Variants in PRAMEF14 observed in about 807,000 individuals in gnomAD.
PRAMEF14 encodes the protein PRAME family member 14.
Under a neutral mutation model 38.3 loss-of-function variants are expected in PRAMEF14, and 24 were observed. The ratio of observed to expected loss-of-function variants is 0.63; its 90% CI spans 0.45 to 0.88. The LOEUF is 0.88. Among genes scored for constraint, PRAMEF14 ranks in the 40% least tolerant of loss-of-function variants. The pLI, the probability that PRAMEF14 is intolerant of heterozygous loss-of-function variation, is 0.00. For missense variants in PRAMEF14, 477 were observed against 570.8 expected (o/e 0.84, Z 1.67); for synonymous variants, 194 against 226.4 (o/e 0.86, Z 1.29).
chr1:13,343,721 T>C (rs1380012031), intron 3 of PRAMEF14: 2 of 1,342,200 alleles, frequency 1.5e-6, no homozygotes, highest in South Asian at 2.8e-5. Flanking sequence ...TTTGACATCA[T>C]ATCAACTTGA....
chr1:13,342,599 T>A lies in PRAMEF14; in HGVS notation c.1354A>T (p.Ile452Phe). ...CAGGAAGGGCAGGGGGTGGGACCAA[T>A]GAAGATCCTCTTGGGCTGCCTGACT... ...REVRQPKRIFIGPTPCPSCGS... is the reference protein window; with the variant it reads ...REVRQPKRIFFGPTPCPSCGS... Residue 452 changes from isoleucine to phenylalanine, a missense_variant, in exon 4 of 4, where the codon ATT (isoleucine) becomes TTT (phenylalanine). Coordinates refer to ENST00000334600, the MANE Select transcript of PRAMEF14 (RefSeq NM_001024661.2). The A allele has an allele frequency of 6.2e-7, 1 of 1,604,390 alleles. No individual in the cohort carries two copies. Among genetic ancestry groups the A allele is most frequent in the Non-Finnish European group, 8.5e-7 (1 of 1,177,536 alleles).
In PRAMEF14 at chr1:13,344,587, C is replaced by A. The variant is rs1157469639; in HGVS notation, c.317G>T (p.Arg106Leu). 1 of 1,604,138 alleles carries A rather than the reference C, an allele frequency of 6.2e-7. No homozygotes were observed. The highest frequency in any genetic ancestry group is 1.3e-5 in the African/African-American group (1 of 74,774). ...RRWKLQVLDL[R>L]DVDENFWARW... Reference sequence around the variant, plus strand: ...GGCCCAGAAATTCTCATCAACATCCCGCAAATCCAGCACTTGAAGTTTCCA... The same window carrying A: ...GGCCCAGAAATTCTCATCAACATCCAGCAAATCCAGCACTTGAAGTTTCCA... The change falls in exon 3 of 4, where the codon CGG (arginine) becomes CTG (leucine). Residue 106 changes from arginine to leucine, a missense_variant. Around this residue, in one of 4 missense-constraint regions of PRAMEF14, gnomAD observed 234 missense variants for 247.4 expected, o/e 0.95. Coordinates refer to ENST00000334600, the MANE Select transcript of PRAMEF14 (RefSeq NM_001024661.2).
At chr1:13,345,480 C>T (rs1971435) in intron 1 of PRAMEF14, 141 bp from the exon 2 acceptor site, 2 of 1,303,958 alleles carry the variant, frequency 1.5e-6, no homozygotes, top group South Asian at 2.9e-5. Flanking sequence ...TTTCATCCTT[C>T]ATTCCACTGA....
chr1:13,342,729 G>T lies in PRAMEF14; in HGVS notation c.1224C>A (p.Ser408Arg), dbSNP rs1379101998. 6.2e-7 allele frequency: 1 copy of T among 1,604,828 alleles called. No homozygotes were observed. Among genetic ancestry groups the T allele is most frequent in the Non-Finnish European group, 8.5e-7 (1 of 1,177,832 alleles). ...CCTCAGGGGCAGGATACGTCTCCAG[G>T]CTTAACTTGCTCAGCCCACTGGTGT... Reference protein sequence around the residue: ...LCHTSGLSKLSLETYPAPEES... With the variant: ...LCHTSGLSKLRLETYPAPEES... Residue 408 changes from serine (S) to arginine (R), a missense_variant, in exon 4 of 4, where the codon AGC becomes AGA. Ser to Arg is a moderately radical substitution (Grantham distance 110). Coordinates refer to ENST00000334600, the MANE Select transcript of PRAMEF14 (RefSeq NM_001024661.2).
At position 13,343,449 on chromosome 1, in the gene PRAMEF14, C is replaced by A. The variant is rs1474892092; in HGVS notation, c.867-363G>T. On this transcript the variant is annotated intron_variant, in intron 3 of 3. Coordinates refer to ENST00000334600, the MANE Select transcript of PRAMEF14 (RefSeq NM_001024661.2). Reference sequence around the variant, plus strand: ...AGGGACATCAGCTAGGGCTACATGTCGGCAGGGGCTCCCTGACATGCCTGC... The same window carrying A: ...AGGGACATCAGCTAGGGCTACATGTAGGCAGGGGCTCCCTGACATGCCTGC... 659 of 562,732 alleles carry A rather than the reference C, an allele frequency of 1.2e-3. 3 individuals carry two copies. The highest frequency in any genetic ancestry group is 0.011 in the African/African-American group (577 of 53,002). 34.9% of individuals were successfully genotyped at this position (562,732 alleles called of 1,614,324 possible). A position where few individuals can be genotyped will look rare whatever the true frequency, so the allele number is the denominator to read the frequency against.
chr1:13,344,075 T>A lies in PRAMEF14; in HGVS notation c.829A>T (p.Ile277Phe), dbSNP rs1640367644. Residue 277 changes from isoleucine (I) to phenylalanine (F), a missense_variant, in exon 3 of 4, where the codon ATC becomes TTC. Around this residue, in one of 4 missense-constraint regions of PRAMEF14, gnomAD observed 234 missense variants for 247.4 expected, o/e 0.95. Coordinates refer to ENST00000334600, the MANE Select transcript of PRAMEF14 (RefSeq NM_001024661.2). ...TCCAGGTGCCCACTGAAGAAGGTGA[T>A]CAATTTTATTTTAAGCAACTGGAGG... ...EHLQLLKIKL[I>F]TFFSGHLEQL... is the part of the protein sequence containing the mutation. The A allele has an allele frequency of 6.2e-7, 1 of 1,608,704 alleles. No individual in the cohort carries two copies. The highest frequency in any genetic ancestry group is 8.5e-7 in the Non-Finnish European group (1 of 1,178,656).
intron 1 of PRAMEF14, among the ~76,000 whole-genome samples, chr1:13,345,586 T>G (rs1419098044): frequency 2.0e-5 from 3 of 150,848 alleles, no homozygotes; most frequent in Admixed American, 6.6e-5. Context: ...CCTAAAGCAA[T>G]GAGAATGAGA....
At position 13,346,850 on chromosome 1, in the gene PRAMEF14, G is replaced by C. The variant is rs1359493274; in HGVS notation, c.-26+207C>G. 8.6e-5 allele frequency among the ~76,000 whole-genome samples: 13 copies of C among 150,446 alleles called. 1 individual carries two copies. Among genetic ancestry groups the C allele is most frequent in the Non-Finnish European group, 1.5e-4 (10 of 67,608 alleles). ...ATTTTTAAAAAACCTGCTTCGATAAGAATTTTAAAATGACAAAAACTAAGC... is the reference window on the plus strand; with the variant it reads ...ATTTTTAAAAAACCTGCTTCGATAACAATTTTAAAATGACAAAAACTAAGC... On this transcript the variant is annotated intron_variant, in intron 1 of 3. Coordinates refer to ENST00000334600, the MANE Select transcript of PRAMEF14 (RefSeq NM_001024661.2).
At chr1:13,346,880 A>C (rs2100355782) in intron 1 of PRAMEF14, among the ~76,000 whole-genome samples, 177 bp downstream of exon 1, 1 of 150,508 alleles carries the variant, frequency 6.6e-6, no homozygotes, top group Admixed American at 6.6e-5. Context: ...CTAAGCACAA[A>C]TCACAATTTG....
intron 1 of PRAMEF14, 98 bp from the exon 2 acceptor site, chr1:13,345,437 G>A (rs1464146695): frequency 1.0e-5 from 14 of 1,386,120 alleles, no homozygotes; most frequent in Admixed American, 4.5e-5. Flanking sequence ...ACACCAAGGA[G>A]GGAGGGGTCA....
At chr1:13,344,653 A>C in intron 2 of PRAMEF14, 37 bp from the exon 3 acceptor site, 1 of 1,603,604 alleles carries the variant, frequency 6.2e-7, no homozygotes. Context: ...AGAATTTAGA[A>C]GGACTCATCC....
Position 13,344,501 on chromosome 1 carries a change from C to T in PRAMEF14, c.403G>A (p.Ala135Thr), listed in dbSNP as rs1640376017. ...FPETMSKRQTAEDCPRMGEHQ... is the reference protein window; with the variant it reads ...FPETMSKRQTTEDCPRMGEHQ... ...TCTCCCATCCTTGGACAGTCCTCTG[C>T]TGTCTGCCTCTTACTCATGGTCTCT... The change falls in exon 3 of 4, where the codon GCA (alanine) becomes ACA (threonine). Residue 135 changes from alanine (A) to threonine (T), a missense_variant. Transcript: ENST00000334600. The T allele has an allele frequency of 1.9e-6, 3 of 1,607,510 alleles. No homozygotes were observed. The African/African-American group carries it at 4.0e-5, about 21-fold the overall frequency.
At position 13,342,565 on chromosome 1, in the gene PRAMEF14, G is replaced by T. The variant is rs1553125324; in HGVS notation, c.1388C>A (p.Ser463Ter). Reference protein sequence around the residue: ...GPTPCPSCGSSPSEELELHLC... With the variant: ...GPTPCPSCGS ...ATGGAGCTCCAGTTCCTCAGACGGT[G>T]ATGAGCCACAGGAAGGGCAGGGGGT... Residue 463 changes from serine (S) to a stop codon, truncating the protein, a stop_gained, in exon 4 of 4, where the codon TCA becomes TAA. Coordinates refer to ENST00000334600, the MANE Select transcript of PRAMEF14 (RefSeq NM_001024661.2). LOFTEE classifies it high-confidence loss of function. 1 of 1,604,682 alleles carries T rather than the reference G, an allele frequency of 6.2e-7. No individual in the cohort carries two copies. The highest frequency in any genetic ancestry group is 8.5e-7 in the Non-Finnish European group (1 of 1,177,374).
chr1:13,343,049 A>T lies in PRAMEF14; in HGVS notation c.904T>A (p.Tyr302Asn). 1 of 1,612,138 alleles carries T rather than the reference A, an allele frequency of 6.2e-7. No individual in the cohort carries two copies. The stretch of plus-strand genomic sequence containing the variant: ...ATGTCTTCTTCCAATAGGTAGCCAT[A>T]AGTTAATTCCAAGTTCTCCAAGGGG... ...QNPLENLELT[Y>N]GYLLEEDMKC... The change falls in exon 4 of 4, where the codon TAT becomes AAT. Residue 302 changes from tyrosine to asparagine, a missense_variant. Tyr to Asn is a moderately radical substitution (Grantham distance 143, BLOSUM62 -2). Coordinates refer to ENST00000334600, the MANE Select transcript of PRAMEF14 (RefSeq NM_001024661.2).
chr1:13,342,790 C>G lies in PRAMEF14; in HGVS notation c.1163G>C (p.Cys388Ser), dbSNP rs760260206. ...QLTTFYFGRN[C>S]MSMGALKDLL... Reference sequence around the variant, plus strand: ...GTCCTTCAGGGCACCCATAGACATACAATTTCTGCCAAAGTAGAAGGTGGT... The same window carrying G: ...GTCCTTCAGGGCACCCATAGACATAGAATTTCTGCCAAAGTAGAAGGTGGT... The change falls in exon 4 of 4, where the codon TGT becomes TCT. Residue 388 changes from cysteine to serine, a missense_variant. Around this residue, in one of 4 missense-constraint regions of PRAMEF14, gnomAD observed 151 missense variants for 137.4 expected, o/e 1.10. Transcript: ENST00000334600. The G allele has an allele frequency of 1.2e-6, 2 of 1,604,534 alleles. No homozygotes were observed. The highest frequency in any genetic ancestry group is 1.7e-6 in the Non-Finnish European group (2 of 1,177,306).
chr1:13,344,398 T>G lies in PRAMEF14; in HGVS notation c.506A>C (p.Gln169Pro). 2.5e-6 allele frequency: 4 copies of G among 1,604,394 alleles called. 1 individual carries two copies. Among genetic ancestry groups the G allele is most frequent in the Admixed American group, 1.7e-5 (1 of 59,854 alleles). The stretch of plus-strand genomic sequence containing the variant: ...TAAACCTCTCCTTTGGTAAACCCAC[T>G]GAAAGAGGTATCTCAGGCATTCATC... ...PQDECLRYLF[Q>P]WVYQRRGLVH... The change falls in exon 3 of 4, where the codon CAG becomes CCG. Residue 169 changes from glutamine (Q) to proline (P), a missense_variant. Physicochemically the swap from Gln to Pro is moderately conservative, Grantham distance 76. Coordinates refer to ENST00000334600, the MANE Select transcript of PRAMEF14 (RefSeq NM_001024661.2).
rs1278655942 is a variant in PRAMEF14, at chr1:13,344,143, C to G, written c.761G>C (p.Arg254Pro). The change falls in exon 3 of 4, where the codon CGG becomes CCG. Residue 254 changes from arginine (R) to proline (P), a missense_variant. Transcript: ENST00000334600. ...CACAGAGCTGAATTTGGTGACTAAC[C>G]GTCCTTCGAGTTCATTATCTGACAT... ...HSMSDNELEG[R>P]LVTKFSSVFL... The G allele has an allele frequency of 5.9e-5, 95 of 1,606,032 alleles. 2 individuals carry two copies. The highest frequency in any genetic ancestry group is 7.9e-5 in the Non-Finnish European group (93 of 1,176,992).
chr1:13,345,379 C>A, intron 1 of PRAMEF14, 40 bp from the exon 2 acceptor site: 1 of 1,561,868 alleles, frequency 6.4e-7, no homozygotes, highest in Non-Finnish European at 8.7e-7. Context: ...ACTCTCATGG[C>A]AAACACAATC....
rs1302751026 is a variant in PRAMEF14 at position 13,343,633 on chromosome 1, G to A, written c.866+405C>T. 64 of 1,321,056 alleles carry A rather than the reference G, an allele frequency of 4.8e-5. 1 individual carries two copies. The highest frequency in any genetic ancestry group is 9.0e-5 in the African/African-American group (6 of 66,806). The allele number at this position is 1,321,056 out of a possible 1,614,324, so 81.8% of individuals were successfully genotyped here. On this transcript the variant is annotated intron_variant, in intron 3 of 3. Transcript: ENST00000334600. ...CAGGATCATTCGTGATCACTAAGCCGGTGAGGACAGACGTTCTATTGTGAA... is the reference window on the plus strand; with the variant it reads ...CAGGATCATTCGTGATCACTAAGCCAGTGAGGACAGACGTTCTATTGTGAA...
Sources: allele counts gnomAD v4.1 joint callset (sites outside exome capture counted in the v4.1 genomes callset), GRCh38; gene constraint gnomAD v4.1.1; regional missense constraint gnomAD v4.1.1; transcripts MANE v1.5; gene names NCBI Gene and HGNC (gene_info 2026-07-23, HGNC 2026-07-21).